SPARCL1: variants seen among roughly 807,000 people sequenced by gnomAD.
The protein encoded by SPARCL1 is SPARC-like protein 1.
Under a neutral mutation model 67.1 loss-of-function variants are expected in SPARCL1, and 52 were observed. That is an observed-to-expected ratio of 0.78 (90% CI 0.62 to 0.98). SPARCL1 has a LOEUF of 0.98. SPARCL1 is among the 50% of genes least tolerant of loss of function. The pLI is 0.00. For synonymous variants in SPARCL1, 226 were observed against 267.8 expected, an observed-to-expected ratio of 0.84 and a Z score of 1.52; for missense variants, 717 against 782.4, an observed-to-expected ratio of 0.92 and a Z score of 1.00.
chr4:87,524,001 C>T (rs1191424835), intron 1 of SPARCL1, among the ~76,000 whole-genome samples: 1 of 152,156 alleles, frequency 6.6e-6, no homozygotes, highest in Non-Finnish European at 1.5e-5. Context: ...AGTTTTGCTC[C>T]TTGCTGCATT....
intron 1 of SPARCL1, among the ~76,000 whole-genome samples, chr4:87,523,655 C>G (rs557902986): frequency 4.0e-5 from 6 of 151,744 alleles, no homozygotes; most frequent in Non-Finnish European, 7.4e-5. Context: ...GTTAAAGATG[C>G]GTATGAAGAG....
chr4:87,527,986 T>A (rs1726120193), intron 1 of SPARCL1: 1 of 152,148 alleles, frequency 6.6e-6, no homozygotes. Context: ...AGATTTCTGC[T>A]GACTTGGACT....
In SPARCL1 at chr4:87,494,220, C is replaced by A; in HGVS notation, c.580G>T (p.Asp194Tyr). The A allele has an allele frequency of 6.2e-7, 1 of 1,614,086 alleles. No individual in the cohort carries two copies. The highest frequency in any genetic ancestry group is 1.3e-5 in the African/African-American group (1 of 74,994). The change falls in exon 4 of 11, where the codon GAT (aspartate) becomes TAT (tyrosine). Residue 194 changes from aspartate (D) to tyrosine (Y), a missense_variant. Transcript: ENST00000282470. ...TCTTCTCCATTGGAAATATTTGGAT[C>A]CTGCTCTTGGTTTCCTTGATCCCTT... ...GLRDQGNQEQ[D>Y]PNISNGEEEE... is the part of the protein sequence containing the mutation.
Position 87,499,561 on chromosome 4 carries a change from A to G in SPARCL1, c.14T>C (p.Leu5Pro). 1 of 1,591,082 alleles carries G rather than the reference A, an allele frequency of 6.3e-7. No homozygotes were observed. The highest frequency in any genetic ancestry group is 1.2e-5 in the South Asian group (1 of 85,810). Residue 5 changes from leucine (L) to proline (P), a missense_variant, in exon 2 of 11, where the codon CTT becomes CCT. Leu to Pro is a moderately conservative substitution (Grantham distance 98). Coordinates refer to ENST00000282470, the MANE Select transcript of SPARCL1 (RefSeq NM_004684.6). The stretch of plus-strand genomic sequence containing the variant: ...AGTTCCCAAGAGACATAGGAAAAAA[A>G]GCCCAGTCTTCATGCTTTCCAGATC... The part of the protein sequence containing the change: MKTG[L>P]FFLCLLGTAA...
chr4:87,495,490 T>C (rs1428743076), intron 2 of SPARCL1, among the ~76,000 whole-genome samples: 1 of 152,242 alleles, frequency 6.6e-6, no homozygotes, highest in Non-Finnish European at 1.5e-5. Context: ...AAAGTTGAAG[T>C]CAAATAAAAT....
intron 1 of SPARCL1, chr4:87,528,744 G>T (rs1038178373): frequency 1.3e-5 from 2 of 152,002 alleles, no homozygotes; most frequent in African/African-American, 2.4e-5. Context: ...CAGGATTCAG[G>T]CTTCACTAAG....
chr4:87,495,322 T>C (rs1724574003), intron 2 of SPARCL1, among the ~76,000 whole-genome samples, 195 bp from the exon 3 acceptor site: 1 of 152,170 alleles, frequency 6.6e-6, no homozygotes, highest in Admixed American at 6.5e-5. Flanking sequence ...AGAATCTCAA[T>C]TGTGTTTAAG....
intron 7 of SPARCL1, among the ~76,000 whole-genome samples, chr4:87,489,333 G>A (rs549453098): frequency 2.0e-5 from 3 of 152,246 alleles, no homozygotes; most frequent in Non-Finnish European, 2.9e-5. Context: ...GCTTCCCTTC[G>A]CTAGGGGAGA....
chr4:87,510,205 A>G (rs1725289230), intron 1 of SPARCL1, among the ~76,000 whole-genome samples: 1 of 152,098 alleles, frequency 6.6e-6, no homozygotes, highest in African/African-American at 2.4e-5. Flanking sequence ...AATACTATAT[A>G]ATATGTGTTC....
At chr4:87,512,840 T>A (rs565059029) in intron 1 of SPARCL1, among the ~76,000 whole-genome samples, 1 of 152,198 alleles carries the variant, frequency 6.6e-6, no homozygotes, top group Non-Finnish European at 1.5e-5. Flanking sequence ...CAATATTTCA[T>A]AACAATTAAA....
intron 1 of SPARCL1, among the ~76,000 whole-genome samples, chr4:87,521,035 G>T (rs546278744): frequency 2.0e-5 from 3 of 152,030 alleles, no homozygotes; most frequent in Non-Finnish European, 4.4e-5. Context: ...TTTTATTTTC[G>T]GTACTATGGT....
intron 1 of SPARCL1, among the ~76,000 whole-genome samples, chr4:87,519,551 C>A (rs1300884213): frequency 6.6e-6 from 1 of 152,120 alleles, no homozygotes; most frequent in East Asian, 1.9e-4. Context: ...AAAAAGATAA[C>A]CATTTACCAC....
chr4:87,519,500 A>C (rs1039581245), intron 1 of SPARCL1, among the ~76,000 whole-genome samples: 4 of 152,212 alleles, frequency 2.6e-5, no homozygotes, highest in Non-Finnish European at 5.9e-5. Context: ...TAGCCATAGC[A>C]CTTTTATTTG....
chr4:87,490,969 A>G (rs1724303909), intron 5 of SPARCL1, 91 bp from the exon 6 acceptor site: 3 of 806,436 alleles, frequency 3.7e-6, no homozygotes, highest in Non-Finnish European at 5.7e-6. Context: ...TTCACTAATG[A>G]AGGGGAAATT....
rs1370671490 is a variant in SPARCL1, at chr4:87,491,950, C to T, written c.1219-260G>A. Among the ~76,000 whole-genome samples the T allele has an allele frequency of 5.4e-4, 44 of 80,842 alleles. 1 individual carries two copies. Among genetic ancestry groups the T allele is most frequent in the African/African-American group, 2.5e-3 (42 of 16,834 alleles). 53.0% of individuals were successfully genotyped at this position (80,842 alleles called of 152,430 possible). A position where few individuals can be genotyped will look rare whatever the true frequency, so the allele number is the denominator to read the frequency against. ...GGAAACTCCATCTCTACCCACCCCC[C>T]CCCCCAAAAAAAAAAAAATTAGCTG... On this transcript the variant is annotated intron_variant, in intron 4 of 10. Coordinates refer to ENST00000282470, the MANE Select transcript of SPARCL1 (RefSeq NM_004684.6).
At chr4:87,522,991 T>G (rs1230475381) in intron 1 of SPARCL1, among the ~76,000 whole-genome samples, 1 of 152,196 alleles carries the variant, frequency 6.6e-6, no homozygotes, top group African/African-American at 2.4e-5. Flanking sequence ...CTGGGCACAG[T>G]GGCTCATGCC....
chr4:87,497,324 A>T (rs2110233052), intron 2 of SPARCL1: 1 of 571,990 alleles, frequency 1.7e-6, no homozygotes, highest in East Asian at 1.4e-4. Flanking sequence ...CCACTTTGGT[A>T]AGCTGCCAGC....
chr4:87,493,536 G>C, intron 4 of SPARCL1, 46 bp downstream of exon 4: 2 of 1,528,380 alleles, frequency 1.3e-6, no homozygotes, highest in Non-Finnish European at 1.8e-6. Flanking sequence ...ACTGTTTATT[G>C]ATAATGCTGG....
chr4:87,494,258 T>G lies in SPARCL1; in HGVS notation c.542A>C (p.His181Pro), dbSNP rs1286472473. ...SHHQLNRSSK[H>P]SQGLRDQGNQ... ...TCCTTGATCCCTTAGGCCTTGGCTA[T>G]GTTTACTGCTCCTGTTCAACTGATG... The change falls in exon 4 of 11, where the codon CAT (histidine) becomes CCT (proline). Residue 181 changes from histidine (H) to proline (P), a missense_variant. Coordinates refer to ENST00000282470, the MANE Select transcript of SPARCL1 (RefSeq NM_004684.6). 3.7e-6 allele frequency: 6 copies of G among 1,614,026 alleles called. No individual in the cohort carries two copies. The highest frequency in any genetic ancestry group is 1.3e-5 in the African/African-American group (1 of 74,926).
Sources: allele counts gnomAD v4.1 joint callset (sites outside exome capture counted in the v4.1 genomes callset), GRCh38; gene constraint gnomAD v4.1.1; transcripts MANE v1.5; gene names NCBI Gene and HGNC (gene_info 2026-07-23, HGNC 2026-07-21).